Variants in PXDNL observed in about 807,000 individuals in gnomAD.
PXDNL encodes the protein probable oxidoreductase PXDNL.
A neutral mutation model predicts 150.8 loss-of-function variants in PXDNL; 145 were observed. The ratio of observed to expected loss-of-function variants is 0.96; its 90% CI spans 0.84 to 1.10. PXDNL has a LOEUF of 1.10. Among genes scored for constraint, PXDNL ranks in the 50% least tolerant of loss-of-function variants. The pLI, the probability that PXDNL is intolerant of heterozygous loss-of-function variation, is 0.00. For missense variants in PXDNL, 2,087 were observed against 1,873.9 expected (o/e 1.11, Z -2.10); for synonymous variants, 757 against 725.7 (o/e 1.04, Z -0.69).
intron 5 of PXDNL, among the ~76,000 whole-genome samples, chr8:51,494,086 C>T (rs537756259): frequency 6.6e-6 from 1 of 152,280 alleles, no homozygotes; most frequent in Non-Finnish European, 1.5e-5. Context: ...GATCTCTCAG[C>T]AGAAACTCTA....
chr8:51,576,213 A>C (rs1813050587), intron 3 of PXDNL, among the ~76,000 whole-genome samples: 1 of 150,692 alleles, frequency 6.6e-6, no homozygotes, highest in Non-Finnish European at 1.5e-5. Context: ...AAAAAAAAAA[A>C]ACAAACAAAA....
chr8:51,751,898 G>A (rs529059532), intron 1 of PXDNL, among the ~76,000 whole-genome samples: 12 of 152,252 alleles, frequency 7.9e-5, no homozygotes, highest in African/African-American at 1.2e-4. Flanking sequence ...AAGTGTTCCC[G>A]GAACAAACTG....
chr8:51,492,205 C>A (rs1295278374), intron 5 of PXDNL, among the ~76,000 whole-genome samples: 1 of 152,092 alleles, frequency 6.6e-6, no homozygotes, highest in Non-Finnish European at 1.5e-5. Flanking sequence ...TAAGGGAAAA[C>A]ATTTTTCTGC....
At chr8:51,636,801 C>CTT (rs35542860) in intron 2 of PXDNL, among the ~76,000 whole-genome samples, 4 of 146,756 alleles carry the variant, frequency 2.7e-5, no homozygotes, top group African/African-American at 1.0e-4. Context: ...TTTCCAATGA[C>CTT]TTTTTTTTTT....
intron 1 of PXDNL, among the ~76,000 whole-genome samples, chr8:51,696,823 A>ATC (rs1563510326): frequency 6.8e-6 from 1 of 147,192 alleles, no homozygotes; most frequent in African/African-American, 2.6e-5. Flanking sequence ...ACACACACAC[A>ATC]CACACACACA....
At chr8:51,494,536 T>C (rs1810993509) in intron 5 of PXDNL, among the ~76,000 whole-genome samples, 1 of 152,062 alleles carries the variant, frequency 6.6e-6, no homozygotes, top group African/African-American at 2.4e-5. Context: ...AGCAAACCCA[T>C]CTCACGTGCA....
intron 7 of PXDNL, among the ~76,000 whole-genome samples, chr8:51,473,464 G>T (rs1810396137): frequency 6.6e-6 from 1 of 152,104 alleles, no homozygotes; most frequent in Non-Finnish European, 1.5e-5. Flanking sequence ...ATATTTAAAA[G>T]GAGGACCATT....
intron 17 of PXDNL, among the ~76,000 whole-genome samples, chr8:51,393,030 A>G (rs1479293860): frequency 6.6e-6 from 1 of 152,220 alleles, no homozygotes; most frequent in Non-Finnish European, 1.5e-5. Context: ...CATGAATTTT[A>G]CTTAATTTAA....
rs199940142 is a variant in PXDNL at position 51,521,076 on chromosome 8, C to CA, written c.381-21307dup. ...AGCACATAGCATGACCCCGTTTCTG[C>CA]AAAAAAAAATTAAAATATTAGCCAG... is the stretch of plus-strand genomic sequence containing the variant. On this transcript the variant is annotated intron_variant, in intron 4 of 22. Coordinates refer to ENST00000356297, the MANE Select transcript of PXDNL (RefSeq NM_144651.5). 5.7e-3 allele frequency among the ~76,000 whole-genome samples: 861 copies of CA among 150,438 alleles called. 12 individuals carry two copies. The highest frequency in any genetic ancestry group is 0.02 in the African/African-American group (801 of 41,068).
chr8:51,327,016 A>G (rs924417558), intron 21 of PXDNL, among the ~76,000 whole-genome samples: 8 of 151,580 alleles, frequency 5.3e-5, no homozygotes, highest in Non-Finnish European at 1.2e-4. Flanking sequence ...GAGATCTACA[A>G]GCCAAAAAAC....
intron 1 of PXDNL, among the ~76,000 whole-genome samples, chr8:51,724,129 AG>A (rs1387324343): frequency 1.3e-5 from 2 of 152,112 alleles, no homozygotes; most frequent in African/African-American, 4.8e-5. Context: ...AGACAGGAGC[AG>A]GTTGGGAGGA....
At chr8:51,770,592 G>C (rs533500526) in intron 1 of PXDNL, among the ~76,000 whole-genome samples, 4 of 152,252 alleles carry the variant, frequency 2.6e-5, no homozygotes, top group East Asian at 3.9e-4. Context: ...GTCTCCTCCT[G>C]TCTCTTGATC....
At chr8:51,452,965 C>T (rs1809843389) in intron 10 of PXDNL, among the ~76,000 whole-genome samples, 1 of 152,140 alleles carries the variant, frequency 6.6e-6, no homozygotes, top group Non-Finnish European at 1.5e-5. Context: ...CATGCACGCA[C>T]ACACACCAGA....
At chr8:51,558,370 T>C (rs1309293988) in intron 3 of PXDNL, among the ~76,000 whole-genome samples, 1 of 152,058 alleles carries the variant, frequency 6.6e-6, no homozygotes, top group Non-Finnish European at 1.5e-5. Flanking sequence ...CAGGTGAAAG[T>C]ATTCTGTAAA....
chr8:51,374,699 C>T lies in PXDNL; in HGVS notation c.3590G>A (p.Trp1197Ter). ...LYGSPGDIDL[W>*]PALMVEDLIP... ...CAGGTCTTCAACCATAAGGGCGGGC[C>T]AGAGGTCAATGTCACCTGGAGAGCC... is the stretch of plus-strand genomic sequence containing the variant. The change falls in exon 18 of 23, where the codon TGG becomes TAG. Residue 1197 changes from tryptophan to a stop codon, truncating the protein, a stop_gained. Coordinates refer to ENST00000356297, the MANE Select transcript of PXDNL (RefSeq NM_144651.5). LOFTEE classifies it high-confidence loss of function. The T allele has an allele frequency of 6.2e-7, 1 of 1,613,870 alleles. No homozygotes were observed. The highest frequency in any genetic ancestry group is 8.5e-7 in the Non-Finnish European group (1 of 1,179,868).
At chr8:51,793,056 A>G (rs1204480674) in intron 1 of PXDNL, among the ~76,000 whole-genome samples, 1 of 152,190 alleles carries the variant, frequency 6.6e-6, no homozygotes, top group African/African-American at 2.4e-5. Flanking sequence ...AGGGGTTGCC[A>G]GACACCTTAT....
chr8:51,796,906 A>G (rs2037567295), intron 1 of PXDNL, among the ~76,000 whole-genome samples: 1 of 152,248 alleles, frequency 6.6e-6, no homozygotes, highest in Non-Finnish European at 1.5e-5. Context: ...CTTGATGAGT[A>G]TCAATGCAAA....
intron 1 of PXDNL, among the ~76,000 whole-genome samples, chr8:51,696,697 A>G (rs953114186): frequency 6.3e-4 from 22 of 34,830 alleles, no homozygotes; most frequent in South Asian, 2.1e-3. Context: ...ACAGGTCCAC[A>G]CACATCCACA....
chr8:51,363,763 T>G (rs537597367), intron 19 of PXDNL, among the ~76,000 whole-genome samples: 44 of 151,490 alleles, frequency 2.9e-4, no homozygotes, highest in Non-Finnish European at 5.8e-4. Context: ...GGTGGTCTCC[T>G]CCCTTAGTAC....
Sources: allele counts gnomAD v4.1 joint callset (sites outside exome capture counted in the v4.1 genomes callset), GRCh38; gene constraint gnomAD v4.1.1; transcripts MANE v1.5; gene names NCBI Gene and HGNC (gene_info 2026-07-23, HGNC 2026-07-21).